Variants in OSBPL3 observed in about 807,000 individuals in gnomAD.
The protein encoded by OSBPL3 is oxysterol-binding protein-related protein 3.
A neutral mutation model predicts 120.1 loss-of-function variants in OSBPL3; 65 were observed. The ratio of observed to expected loss-of-function variants is 0.54; its 90% CI spans 0.44 to 0.67. OSBPL3 has a LOEUF of 0.67. Ranked by LOEUF, OSBPL3 falls within the 30% of genes least tolerant of loss-of-function variation. OSBPL3 has a pLI of 0.00. For missense variants in OSBPL3, 1,004 were observed against 1,082.1 expected, an observed-to-expected ratio of 0.93 and a Z score of 1.01; for synonymous variants, 416 against 402.6, an observed-to-expected ratio of 1.03 and a Z score of -0.40.
chr7:24,896,550 A>T lies in OSBPL3; in HGVS notation c.-149-3929T>A, dbSNP rs1806161792. 6.6e-6 allele frequency among the ~76,000 whole-genome samples: 1 copy of T among 152,240 alleles called. No individual in the cohort carries two copies. The highest frequency in any genetic ancestry group is 1.5e-5 in the Non-Finnish European group (1 of 68,038). ...TCAAGTATTTTGGCAACAAAGGCTG[A>T]TTTTAAGACTCATGTTAGTAGGTTT... is the stretch of plus-strand genomic sequence containing the variant. On this transcript the variant is annotated intron_variant, in intron 1 of 22. Transcript: ENST00000313367. The surrounding 1 kb of genome is among the most constrained non-coding windows in gnomAD (Gnocchi z 4.4).
chr7:24,854,518 AC>A lies in OSBPL3; in HGVS notation c.1028-1885del, dbSNP rs1562831174. On this transcript the variant is annotated intron_variant, in intron 10 of 22. Coordinates refer to ENST00000313367, the MANE Select transcript of OSBPL3 (RefSeq NM_015550.4). The surrounding 1 kb of genome is among the most constrained non-coding windows in gnomAD (Gnocchi z 4.1). ...CACACACACGCACACACACACACAC[AC>A]ACACACACACACACACACAAACACA... Among the ~76,000 whole-genome samples, 2 of 149,468 alleles carry A rather than the reference AC, an allele frequency of 1.3e-5. No individual in the cohort carries two copies. Among genetic ancestry groups the A allele is most frequent in the African/African-American group, 4.9e-5 (2 of 40,706 alleles).
rs762634078 is a variant in OSBPL3, at chr7:24,834,612, C to T, written c.1620G>A (p.Leu540=). The change falls in exon 15 of 23, where the codon CTG becomes CTA. Residue 540 remains leucine, a synonymous_variant. Transcript: ENST00000313367. The surrounding 1 kb of genome is among the most constrained non-coding windows in gnomAD (Gnocchi z 5.2). ...GCTCCACCGGCATGGCCACCTTGGA[C>T]AGGTCCTTCCCGATGTTGTTCCTCA... ...NILRNNIGKD[L]SKVAMPVELN... 6.2e-7 allele frequency: 1 copy of T among 1,614,236 alleles called. No individual in the cohort carries two copies. Among genetic ancestry groups the T allele is most frequent in the East Asian group, 2.2e-5 (1 of 44,878 alleles).
rs745995656 is a variant in OSBPL3 at position 24,849,179 on chromosome 7, G to A, written c.1159-3C>T. On this transcript the variant is annotated splice_polypyrimidine_tract_variant and splice_region_variant and intron_variant, in intron 11 of 22. Transcript: ENST00000313367. The surrounding 1 kb of genome is among the most constrained non-coding windows in gnomAD (Gnocchi z 5.4). ...AGATCTGTGTTTTGTGCTAGGGCCT[G>A]GAACATGTTAAAATAGTGGGGCTCT... 6.2e-7 allele frequency: 1 copy of A among 1,609,504 alleles called. No homozygotes were observed.
At chr7:24,911,858 T>C (rs1237488157) in intron 1 of OSBPL3, among the ~76,000 whole-genome samples, 1 of 152,020 alleles carries the variant, frequency 6.6e-6, no homozygotes, top group Non-Finnish European at 1.5e-5. Flanking sequence ...AAGAGAGACA[T>C]AAAAGGAAAA....
intron 2 of OSBPL3, among the ~76,000 whole-genome samples, chr7:24,890,222 T>C (rs557852293): frequency 6.6e-6 from 1 of 152,338 alleles, no homozygotes; most frequent in South Asian, 2.1e-4. Flanking sequence ...AAGTTGGTAT[T>C]TGTACAGATT....
At position 24,834,321 on chromosome 7, in the gene OSBPL3, C is replaced by T. The variant is rs760296359; in HGVS notation, c.1746+165G>A. The T allele has an allele frequency of 6.8e-6, 10 of 1,463,174 alleles. No individual in the cohort carries two copies. In the African/African-American group the frequency reaches 1.3e-4, roughly 19 times the overall value. The allele number at this position is 1,463,174 out of a possible 1,614,324, so 90.6% of individuals were successfully genotyped here. A position where few individuals can be genotyped will look rare whatever the true frequency, so the allele number is the denominator to read the frequency against. ...CAAATCCTCACAAGGTGACTGGAAA[C>T]AGCCAGGCGGAGGAAGCCAGACAGC... On this transcript the variant is annotated intron_variant, in intron 15 of 22. Transcript: ENST00000313367. The surrounding 1 kb of genome is among the most constrained non-coding windows in gnomAD (Gnocchi z 5.2).
chr7:24,849,125 C>T lies in OSBPL3; in HGVS notation c.1210G>A (p.Glu404Lys), dbSNP rs774358365. The change falls in exon 12 of 23, where the codon GAG becomes AAG. Residue 404 changes from glutamate (E) to lysine (K), a missense_variant. This residue lies in a region of OSBPL3 where 272 missense variants were observed against 248.8 expected (regional missense o/e 1.09). Coordinates refer to ENST00000313367, the MANE Select transcript of OSBPL3 (RefSeq NM_015550.4). This position sits in a 1 kb window ranked among gnomAD's most constrained non-coding sequence, Gnocchi z 5.4. ...LKERLRRIHAESLLLDSPAVA... is the reference protein window; with the variant it reads ...LKERLRRIHAKSLLLDSPAVA... ...GCGGGGGAGTCGAGGAGCAGAGACT[C>T]GGCATGGATTCTGCGTAAGCGTTCT... is the stretch of plus-strand genomic sequence containing the variant. 15 of 1,613,874 alleles carry T rather than the reference C, an allele frequency of 9.3e-6. No individual in the cohort carries two copies. The highest frequency in any genetic ancestry group is 1.7e-5 in the Admixed American group (1 of 59,996).
intron 12 of OSBPL3, among the ~76,000 whole-genome samples, chr7:24,847,888 G>A (rs1429501706): frequency 1.3e-5 from 2 of 152,218 alleles, no homozygotes; most frequent in Non-Finnish European, 2.9e-5. Flanking sequence ...GCTCAATGCT[G>A]CAGGTGACAG....
In OSBPL3 at chr7:24,799,568, C is replaced by G. The variant is rs1376371680; in HGVS notation, c.*615G>C. On this transcript the variant is annotated 3_prime_UTR_variant, in exon 23 of 23. Coordinates refer to ENST00000313367, the MANE Select transcript of OSBPL3 (RefSeq NM_015550.4). This position sits in a 1 kb window ranked among gnomAD's most constrained non-coding sequence, Gnocchi z 5.3. ...GGAACAAGTTCAAATGCTTCCTTTT[C>G]AAGAAGGTGCCGTATACGTCTTATA... The G allele has an allele frequency of 6.6e-6, 1 of 152,208 alleles. No individual in the cohort carries two copies. The highest frequency in any genetic ancestry group is 2.1e-4 in the South Asian group (1 of 4,824). 9.4% of individuals were successfully genotyped at this position (152,208 alleles called of 1,614,324 possible).
intron 1 of OSBPL3, among the ~76,000 whole-genome samples, chr7:24,941,833 A>G (rs1813141919): frequency 6.6e-6 from 1 of 152,248 alleles, no homozygotes; most frequent in Non-Finnish European, 1.5e-5. Context: ...ACAACTATAC[A>G]GTGGTGGTAT....
In OSBPL3 at chr7:24,896,659, T is replaced by C. The variant is rs910381235; in HGVS notation, c.-149-4038A>G. 6.6e-6 allele frequency among the ~76,000 whole-genome samples: 1 copy of C among 152,244 alleles called. No individual in the cohort carries two copies. The highest frequency in any genetic ancestry group is 2.4e-5 in the African/African-American group (1 of 41,464). On this transcript the variant is annotated intron_variant, in intron 1 of 22. Coordinates refer to ENST00000313367, the MANE Select transcript of OSBPL3 (RefSeq NM_015550.4). The surrounding 1 kb of genome is among the most constrained non-coding windows in gnomAD (Gnocchi z 4.4). Reference sequence around the variant, plus strand: ...TATGTGTGCTGGAAGGAGTCAGACCTAGGTTTGAATTGGTGTTTCCTTATT... The same window carrying C: ...TATGTGTGCTGGAAGGAGTCAGACCCAGGTTTGAATTGGTGTTTCCTTATT...
chr7:24,842,340 G>C lies in OSBPL3; in HGVS notation c.1340C>G (p.Ser447Cys). The change falls in exon 13 of 23, where the codon TCC becomes TGC. Residue 447 changes from serine (S) to cysteine (C), a missense_variant. This residue lies in a region of OSBPL3 where 473 missense variants were observed against 568.0 expected (regional missense o/e 0.83). Coordinates refer to ENST00000313367, the MANE Select transcript of OSBPL3 (RefSeq NM_015550.4). ...SNESRLSITD[S>C]LSEFFDAQEV... ...CTGAGCATCAAAAAACTCAGAAAGG[G>C]AGTCAGTGATGGAGAGTCTACTTTC... 6.2e-7 allele frequency: 1 copy of C among 1,613,036 alleles called. No homozygotes were observed. Among genetic ancestry groups the C allele is most frequent in the Non-Finnish European group, 8.5e-7 (1 of 1,179,220 alleles).
chr7:24,971,492 C>A (rs972941739), intron 1 of OSBPL3, among the ~76,000 whole-genome samples: 1 of 152,202 alleles, frequency 6.6e-6, no homozygotes, highest in Non-Finnish European at 1.5e-5. Flanking sequence ...TCGCAGCAGA[C>A]TCTCCATGAC....
chr7:24,880,284 C>T lies in OSBPL3; in HGVS notation c.97-8215G>A, dbSNP rs539138494. On this transcript the variant is annotated intron_variant, in intron 2 of 22. Transcript: ENST00000313367. ...AGAGGCAGAACCCATTTGCAGACTGCGTCTTGAGATCCCACGCAGAACCTC... is the reference window on the plus strand; with the variant it reads ...AGAGGCAGAACCCATTTGCAGACTGTGTCTTGAGATCCCACGCAGAACCTC... 3.9e-5 allele frequency among the ~76,000 whole-genome samples: 6 copies of T among 152,254 alleles called. No individual in the cohort carries two copies. In the South Asian group the frequency reaches 8.3e-4, roughly 21 times the overall value.
chr7:24,857,440 T>G (rs1156999257), intron 10 of OSBPL3, among the ~76,000 whole-genome samples: 2 of 152,256 alleles, frequency 1.3e-5, no homozygotes, highest in Non-Finnish European at 2.9e-5. Context: ...CAGAAAGCCT[T>G]CTTGTAACAA....
Position 24,938,372 on chromosome 7 carries a change from T to C in OSBPL3, c.-150+41514A>G, listed in dbSNP as rs1231689284. On this transcript the variant is annotated intron_variant, in intron 1 of 22. Coordinates refer to ENST00000313367, the MANE Select transcript of OSBPL3 (RefSeq NM_015550.4). The surrounding 1 kb of genome is among the most constrained non-coding windows in gnomAD (Gnocchi z 5.8). The stretch of plus-strand genomic sequence containing the variant: ...CAGTCTCCAGACTGTAAGCAACCCA[T>C]TTCTATTGTTTATAAATTACCCGGT... Among the ~76,000 whole-genome samples, 2 of 152,208 alleles carry C rather than the reference T, an allele frequency of 1.3e-5. No homozygotes were observed. Among genetic ancestry groups the C allele is most frequent in the African/African-American group, 4.8e-5 (2 of 41,444 alleles).
At position 24,813,172 on chromosome 7, in the gene OSBPL3, C is replaced by A. The variant is rs739626; in HGVS notation, c.2172+1887G>T. Among the ~76,000 whole-genome samples, 17,234 of 152,184 alleles carry A rather than the reference C, an allele frequency of 0.11. 1,315 individuals are homozygous for A. The highest frequency in any genetic ancestry group is 0.23 in the East Asian group (1,209 of 5,164). On this transcript the variant is annotated intron_variant, in intron 19 of 22. Transcript: ENST00000313367. The surrounding 1 kb of genome is among the most constrained non-coding windows in gnomAD (Gnocchi z 4.5). ...GGGATTACAGGTGTGAGCCATGGCA[C>A]CCGGGCTCTTAAGTTTATTCTGAAG...
chr7:24,980,622 G>T (rs1818233531), upstream of OSBPL3, among the ~76,000 whole-genome samples: 1 of 152,056 alleles, frequency 6.6e-6, no homozygotes, highest in South Asian at 2.1e-4. Flanking sequence ...CAGGCTAGGA[G>T]AACTCGACCT....
chr7:24,911,554 T>C (rs115752236), intron 1 of OSBPL3, among the ~76,000 whole-genome samples: 82 of 152,346 alleles, frequency 5.4e-4, no homozygotes, highest in African/African-American at 1.9e-3. Context: ...TAGTGGGTCA[T>C]GTATCAGATG....
Sources: allele counts gnomAD v4.1 joint callset (sites outside exome capture counted in the v4.1 genomes callset), GRCh38; gene constraint gnomAD v4.1.1; regional missense constraint gnomAD v4.1.1; non-coding constraint Gnocchi (gnomAD v3.1); transcripts MANE v1.5; gene names NCBI Gene and HGNC (gene_info 2026-07-23, HGNC 2026-07-21).